Variants in CTNNA3 observed in about 807,000 individuals in gnomAD.
The protein encoded by CTNNA3 is catenin alpha-3.
A neutral mutation model predicts 95.7 loss-of-function variants in CTNNA3; 76 were observed. The ratio of observed to expected loss-of-function variants is 0.79; its 90% CI spans 0.66 to 0.96. The LOEUF (loss-of-function observed/expected upper bound fraction) is 0.96. Ranked by LOEUF, CTNNA3 falls within the 40% of genes least tolerant of loss-of-function variation. The probability of loss-of-function intolerance (pLI) is 0.00; values close to 1 mark genes in which losing one functional copy is unlikely to be tolerated. For synonymous variants in CTNNA3, 431 were observed against 374.4 expected (o/e 1.15, Z -1.74); for missense variants, 1,191 against 1,089.8 (o/e 1.09, Z -1.31).
At chr10:66,759,595 C>A (rs1031865184) in intron 9 of CTNNA3, among the ~76,000 whole-genome samples, 1 of 152,150 alleles carries the variant, frequency 6.6e-6, no homozygotes, top group Non-Finnish European at 1.5e-5. Context: ...TATATGGTCA[C>A]AATAGGCTTT....
At position 66,252,692 on chromosome 10, in the gene CTNNA3, A is replaced by T. The variant is rs553981034; in HGVS notation, c.1884+27778T>A. Among the ~76,000 whole-genome samples the T allele has an allele frequency of 2.2e-4, 33 of 152,326 alleles. No homozygotes were observed. The South Asian group carries it at 6.4e-3, about 30-fold the overall frequency. On this transcript the variant is annotated intron_variant, in intron 13 of 17. Coordinates refer to ENST00000433211, the MANE Select transcript of CTNNA3 (RefSeq NM_013266.4). ...GAACCAAGAACGAATAAAAATTATTATAGATAAAGTGAAGCGGGTCTAGTG... is the reference window on the plus strand; with the variant it reads ...GAACCAAGAACGAATAAAAATTATTTTAGATAAAGTGAAGCGGGTCTAGTG...
intron 7 of CTNNA3, among the ~76,000 whole-genome samples, chr10:66,932,850 G>T (rs1195568289): frequency 6.6e-6 from 1 of 152,120 alleles, no homozygotes; most frequent in African/African-American, 2.4e-5. Context: ...AATAATTTAT[G>T]ATTCTTTTGC....
At chr10:66,222,546 AAAAT>A (rs891286563) in intron 13 of CTNNA3, among the ~76,000 whole-genome samples, 3 of 151,406 alleles carry the variant, frequency 2.0e-5, no homozygotes, top group East Asian at 1.9e-4. Flanking sequence ...GAGAAAGAAG[AAAAT>A]AAAGAAAGAG....
At chr10:65,956,220 G>C (rs1266346454) in intron 17 of CTNNA3, among the ~76,000 whole-genome samples, 4 of 152,050 alleles carry the variant, frequency 2.6e-5, no homozygotes, top group Non-Finnish European at 5.9e-5. Context: ...TACTTCTGTG[G>C]GATAAGTGGT....
At chr10:65,982,549 A>ACG (rs2078341194) in intron 16 of CTNNA3, among the ~76,000 whole-genome samples, 1 of 37,690 alleles carries the variant, frequency 2.7e-5, no homozygotes, top group South Asian at 4.8e-4. Context: ...AGATACTTGC[A>ACG]CACACGTTTA....
chr10:66,531,725 TAC>T (rs1373631620), intron 10 of CTNNA3, among the ~76,000 whole-genome samples: 5 of 152,200 alleles, frequency 3.3e-5, no homozygotes, highest in Non-Finnish European at 7.3e-5. Context: ...AAATTGAATC[TAC>T]ACACAATTTT....
chr10:66,707,097 A>C (rs1848142774), intron 9 of CTNNA3, among the ~76,000 whole-genome samples: 2 of 152,066 alleles, frequency 1.3e-5, no homozygotes, highest in Non-Finnish European at 2.9e-5. Context: ...TAAGCATTTA[A>C]TGATGTTTAA....
intron 5 of CTNNA3, among the ~76,000 whole-genome samples, chr10:67,269,391 A>G (rs886629513): frequency 6.6e-6 from 1 of 152,192 alleles, no homozygotes; most frequent in Admixed American, 6.5e-5. Flanking sequence ...CTAGACATAC[A>G]TTTTGAGGAT....
At chr10:67,130,610 T>C (rs1859949178) in intron 7 of CTNNA3, among the ~76,000 whole-genome samples, 1 of 152,064 alleles carries the variant, frequency 6.6e-6, no homozygotes, top group Non-Finnish European at 1.5e-5. Flanking sequence ...GGCCTAACGA[T>C]TTGTTGAAGA....
At chr10:66,724,224 T>C (rs1848714446) in intron 9 of CTNNA3, among the ~76,000 whole-genome samples, 1 of 152,200 alleles carries the variant, frequency 6.6e-6, no homozygotes, top group Admixed American at 6.5e-5. Flanking sequence ...TCATTAAATG[T>C]TCTGCTTACA....
chr10:66,695,217 A>G (rs144355088), intron 9 of CTNNA3, among the ~76,000 whole-genome samples: 3 of 152,286 alleles, frequency 2.0e-5, no homozygotes, highest in South Asian at 4.1e-4. Flanking sequence ...GTCCTCCCCA[A>G]AAGGGAAATG....
intron 5 of CTNNA3, among the ~76,000 whole-genome samples, chr10:67,380,848 T>C (rs1047090986): frequency 6.6e-6 from 1 of 152,250 alleles, no homozygotes; most frequent in South Asian, 2.1e-4. Flanking sequence ...AAGAAGTTAC[T>C]TTAGTCTTCA....
intron 5 of CTNNA3, among the ~76,000 whole-genome samples, chr10:67,298,913 C>T (rs562465564): frequency 2.2e-4 from 34 of 151,232 alleles, no homozygotes; most frequent in Non-Finnish European, 4.0e-4. Flanking sequence ...GGAATAGTCA[C>T]TCTTCATATG....
rs183368243 is a variant in CTNNA3 at position 67,231,081 on chromosome 10, G to A, written c.580-11211C>T. Reference sequence around the variant, plus strand: ...GCAGTCTGAGATCAAACTGCAAGGCGGCAGCGAGGCTGGGGGAGGGGCGCC... The same window carrying A: ...GCAGTCTGAGATCAAACTGCAAGGCAGCAGCGAGGCTGGGGGAGGGGCGCC... On this transcript the variant is annotated intron_variant, in intron 5 of 17. Transcript: ENST00000433211. Among the ~76,000 whole-genome samples the A allele has an allele frequency of 0.015, 2,290 of 152,206 alleles. 121 individuals are homozygous for A. In the East Asian group the frequency reaches 0.18, roughly 12 times the overall value.
intron 5 of CTNNA3, among the ~76,000 whole-genome samples, chr10:67,484,875 T>C (rs1380297652): frequency 6.6e-6 from 1 of 152,222 alleles, no homozygotes; most frequent in Non-Finnish European, 1.5e-5. Context: ...GGTAGGAATG[T>C]AAATTAGTTC....
intron 11 of CTNNA3, among the ~76,000 whole-genome samples, chr10:66,457,130 T>C (rs2093499956): frequency 6.6e-6 from 1 of 152,010 alleles, no homozygotes; most frequent in South Asian, 2.1e-4. Context: ...AAAAAAACCT[T>C]TACAACTTGG....
chr10:66,064,606 A>C (rs190891200), intron 15 of CTNNA3, among the ~76,000 whole-genome samples: 4 of 152,274 alleles, frequency 2.6e-5, no homozygotes, highest in Admixed American at 2.6e-4. Context: ...GGTGTGTGAA[A>C]ATATCTCTGG....
At chr10:67,322,584 T>C (rs1841368689) in intron 5 of CTNNA3, among the ~76,000 whole-genome samples, 2 of 152,224 alleles carry the variant, frequency 1.3e-5, no homozygotes, top group Admixed American at 6.5e-5. Flanking sequence ...TAGTATTCCA[T>C]AGTGTATATG....
chr10:67,243,735 T>C (rs1240768747), intron 5 of CTNNA3, among the ~76,000 whole-genome samples: 2 of 152,168 alleles, frequency 1.3e-5, no homozygotes, highest in Non-Finnish European at 1.5e-5. Context: ...CTGCACCTCC[T>C]AGGAAATGAC....
Sources: gnomAD v4.1 joint callset for allele counts (sites outside exome capture counted in the v4.1 genomes callset) on GRCh38, gnomAD v4.1.1 for gene constraint, MANE v1.5 for transcripts, NCBI Gene and HGNC (gene_info 2026-07-23, HGNC 2026-07-21) for gene names.